REPS1: variants seen among roughly 807,000 people sequenced by gnomAD.
REPS1 encodes the protein ralBP1-associated Eps domain-containing protein 1.
A neutral mutation model predicts 100.9 loss-of-function variants in REPS1; 39 were observed. The ratio of observed to expected loss-of-function variants is 0.39; its 90% CI spans 0.30 to 0.50. The LOEUF (loss-of-function observed/expected upper bound fraction) is 0.50. Among genes scored for constraint, REPS1 ranks in the 20% least tolerant of loss-of-function variants. The probability of loss-of-function intolerance (pLI) is 0.86; values close to 1 mark genes in which losing one functional copy is unlikely to be tolerated. For synonymous variants in REPS1, 324 were observed against 340.3 expected (o/e 0.95, Z 0.53); for missense variants, 821 against 968.5 (o/e 0.85, Z 2.02).
At chr6:138,980,237 C>T (rs566494461) in intron 1 of REPS1, among the ~76,000 whole-genome samples, 4 of 152,348 alleles carry the variant, frequency 2.6e-5, no homozygotes, top group African/African-American at 9.6e-5. Context: ...TTGCTGTCTG[C>T]TGCCTGGACT....
intron 8 of REPS1, among the ~76,000 whole-genome samples, chr6:138,931,370 T>A (rs1318275582): frequency 6.6e-6 from 1 of 152,206 alleles, no homozygotes; most frequent in African/African-American, 2.4e-5. Flanking sequence ...TTTATTTAAC[T>A]TCATTCACCT....
intron 16 of REPS1, among the ~76,000 whole-genome samples, chr6:138,911,967 G>A (rs982792126): frequency 1.3e-5 from 2 of 152,148 alleles, no homozygotes; most frequent in African/African-American, 2.4e-5. Flanking sequence ...TGGGAGAAGG[G>A]AGGCATCCAC....
At chr6:138,959,027 T>C (rs1234156818) in intron 1 of REPS1, among the ~76,000 whole-genome samples, 1 of 152,178 alleles carries the variant, frequency 6.6e-6, no homozygotes, top group Non-Finnish European at 1.5e-5. Context: ...GAGGGCCCAA[T>C]AAACGGCAGA....
At chr6:138,975,788 T>G (rs1177533404) in intron 1 of REPS1, among the ~76,000 whole-genome samples, 1 of 152,018 alleles carries the variant, frequency 6.6e-6, no homozygotes, top group Non-Finnish European at 1.5e-5. Context: ...GAGTCGAGAT[T>G]GTGCCATTGC....
At chr6:138,955,316 G>T (rs1405824851) in intron 1 of REPS1, among the ~76,000 whole-genome samples, 4 of 151,762 alleles carry the variant, frequency 2.6e-5, no homozygotes, top group African/African-American at 9.7e-5. Context: ...AGGGTGTGAT[G>T]GCACACCTGT....
chr6:138,911,236 T>C (rs1172720613), intron 17 of REPS1, 40 bp downstream of exon 17: 1 of 1,277,854 alleles, frequency 7.8e-7, no homozygotes. Flanking sequence ...ACATTACTTA[T>C]GATGTACAAA....
chr6:138,965,664 A>T (rs971469289), intron 1 of REPS1, among the ~76,000 whole-genome samples: 3 of 152,198 alleles, frequency 2.0e-5, no homozygotes, highest in African/African-American at 7.2e-5. Context: ...GCAAACCCAG[A>T]CATAATTGCT....
intron 1 of REPS1, among the ~76,000 whole-genome samples, chr6:138,956,107 G>C (rs951957403): frequency 6.6e-6 from 1 of 152,014 alleles, no homozygotes; most frequent in African/African-American, 2.4e-5. Context: ...CTAAAATATA[G>C]GACGCTCTCA....
intron 9 of REPS1, chr6:138,928,015 C>T (rs1454091163): frequency 6.6e-6 from 1 of 152,142 alleles, no homozygotes; most frequent in Admixed American, 6.5e-5. Context: ...TTTCACAAGA[C>T]TGCATGTAAG....
At position 138,944,520 on chromosome 6, in the gene REPS1, G is replaced by A. The variant is rs572715152; in HGVS notation, c.731C>T (p.Thr244Ile). The change falls in exon 5 of 20, where the codon ACC becomes ATC. Residue 244 changes from threonine to isoleucine, a missense_variant. By Grantham distance (89) the Thr-to-Ile change is moderately conservative. This residue lies in a region of REPS1 where 757 missense variants were observed against 866.4 expected (regional missense o/e 0.87). Transcript: ENST00000450536. ...CACCTGGACAGAAGCAGGATGCATG[G>A]TTAAAAGAGTACTGGTTGGTGGAGT... ...ADTPPTSTLLTMHPASVQDQT... is the reference protein window; with the variant it reads ...ADTPPTSTLLIMHPASVQDQT... 1.4e-5 allele frequency: 22 copies of A among 1,614,082 alleles called. No individual in the cohort carries two copies. In the South Asian group the frequency reaches 2.3e-4, roughly 17 times the overall value.
intron 8 of REPS1, among the ~76,000 whole-genome samples, chr6:138,933,120 C>A (rs9495286): frequency 0.15 from 22,539 of 152,150 alleles, 1,766 homozygotes; most frequent in African/African-American, 0.17. Context: ...AGTTTCCACA[C>A]TGCAAGTAAC....
At chr6:138,983,583 A>T (rs1372797929) in intron 1 of REPS1, among the ~76,000 whole-genome samples, 3 of 152,190 alleles carry the variant, frequency 2.0e-5, no homozygotes, top group Non-Finnish European at 4.4e-5. Context: ...CACTCGATAA[A>T]TGCCAGCTCC....
At chr6:138,959,307 A>T (rs1018026609) in intron 1 of REPS1, among the ~76,000 whole-genome samples, 1 of 152,156 alleles carries the variant, frequency 6.6e-6, no homozygotes, top group Non-Finnish European at 1.5e-5. Context: ...GGTGAGAAAA[A>T]ACCGAAGTCA....
At chr6:138,985,336 T>C (rs1196766781) in intron 1 of REPS1, among the ~76,000 whole-genome samples, 1 of 152,192 alleles carries the variant, frequency 6.6e-6, no homozygotes, top group African/African-American at 2.4e-5. Flanking sequence ...ATACCTTATG[T>C]TATACATGAG....
chr6:138,906,566 C>T (rs115401371), intron 19 of REPS1, among the ~76,000 whole-genome samples: 1,585 of 152,224 alleles, frequency 0.01, 22 homozygotes, highest in African/African-American at 0.036. Context: ...GACAGAGAGA[C>T]AAATGTGTCA....
At chr6:138,959,652 A>C (rs1187995397) in intron 1 of REPS1, among the ~76,000 whole-genome samples, 2 of 152,158 alleles carry the variant, frequency 1.3e-5, no homozygotes, top group Admixed American at 1.3e-4. Flanking sequence ...TTATAAATGT[A>C]CAACACTGGC....
At chr6:138,918,503 T>A (rs769356548) in intron 12 of REPS1, among the ~76,000 whole-genome samples, 3 of 152,308 alleles carry the variant, frequency 2.0e-5, no homozygotes, top group African/African-American at 7.2e-5. Context: ...AGAACTAAAG[T>A]TGACAATGAA....
At chr6:138,959,842 T>C (rs1005909870) in intron 1 of REPS1, among the ~76,000 whole-genome samples, 1 of 152,230 alleles carries the variant, frequency 6.6e-6, no homozygotes, top group Non-Finnish European at 1.5e-5. Context: ...TTCTACTTAA[T>C]GTTCAGAACA....
chr6:138,934,287 T>C (rs568270823), intron 8 of REPS1: 59 of 469,590 alleles, frequency 1.3e-4, no homozygotes, highest in Non-Finnish European at 2.3e-4. Flanking sequence ...CTCCCTCCTG[T>C]GGGTTCTGCT....
Sources: gnomAD v4.1 joint callset for allele counts (sites outside exome capture counted in the v4.1 genomes callset) on GRCh38, gnomAD v4.1.1 for gene constraint, gnomAD v4.1.1 regional missense constraint, MANE v1.5 for transcripts, NCBI Gene and HGNC (gene_info 2026-07-23, HGNC 2026-07-21) for gene names.